The following SCNN1A variants were observed in gnomAD, a reference collection of about 807,000 sequenced individuals.
SCNN1A encodes epithelial sodium channel subunit alpha.
SCNN1A carries 65 observed loss-of-function variants against 68.6 expected under a neutral mutation model. The ratio of observed to expected loss-of-function variants is 0.95; its 90% CI spans 0.78 to 1.16. The LOEUF (loss-of-function observed/expected upper bound fraction) is 1.16, where lower values mean the gene tolerates loss of function less well. SCNN1A is among the 50% of genes most tolerant of loss of function. The pLI, the probability that SCNN1A is intolerant of heterozygous loss-of-function variation, is 0.00. For synonymous variants in SCNN1A, 357 were observed against 353.3 expected (o/e 1.01, Z -0.12); for missense variants, 880 against 865.9 (o/e 1.02, Z -0.20).
intron 2 of SCNN1A, among the ~76,000 whole-genome samples, chr12:6,368,824 G>A (rs1374130335): frequency 6.6e-6 from 1 of 152,180 alleles, no homozygotes; most frequent in Non-Finnish European, 1.5e-5. Context: ...TTCTGTCTGT[G>A]TAACTCGGGG....
rs765012846 is a variant in SCNN1A at position 6,374,725 on chromosome 12, A to G, written c.59T>C (p.Leu20Pro). 4.3e-6 allele frequency: 7 copies of G among 1,613,870 alleles called. No homozygotes were observed. The highest frequency in any genetic ancestry group is 2.2e-5 in the East Asian group (1 of 44,884). Residue 20 changes from leucine to proline, a missense_variant, in exon 2 of 13, where the codon CTC becomes CCC. Transcript: ENST00000228916. The surrounding 1 kb of genome is among the most constrained non-coding windows in gnomAD (Gnocchi z 6.2). ...DSSPPQSTPG[L>P]MKGNKREEQG... is the part of the protein sequence containing the mutation. ...CTCCTCACGCTTGTTCCCCTTCATG[A>G]GCCCTGGAGTGGACTGTGGAGGGCT...
At position 6,363,594 on chromosome 12, in the gene SCNN1A, C is replaced by G; in HGVS notation, c.533G>C (p.Arg178Pro). 6.2e-7 allele frequency: 1 copy of G among 1,612,148 alleles called. No individual in the cohort carries two copies. The highest frequency in any genetic ancestry group is 8.5e-7 in the Non-Finnish European group (1 of 1,179,246). ...GTGCGGCAGAGTCCCCCGCAGGTCG[C>G]GACGGCTGCGGGAGCCGGCCACGAG... ...TTLVAGSRSR[R>P]DLRGTLPHPL... is the part of the protein sequence containing the mutation. Residue 178 changes from arginine to proline, a missense_variant, in exon 3 of 13, where the codon CGC becomes CCC. Around this residue, in one of 3 missense-constraint regions of SCNN1A, gnomAD observed 758 missense variants for 721.8 expected, o/e 1.05. Coordinates refer to ENST00000228916, the MANE Select transcript of SCNN1A (RefSeq NM_001038.6).
chr12:6,363,891 C>T (rs966645368), intron 2 of SCNN1A, 181 bp from the exon 3 acceptor site: 25 of 463,960 alleles, frequency 5.4e-5, no homozygotes, highest in Middle Eastern at 5.5e-4. Flanking sequence ...CAGGTGTGTC[C>T]GCCGGGAAGG....
chr12:6,364,627 T>C (rs1592077401), intron 2 of SCNN1A, among the ~76,000 whole-genome samples: 1 of 150,198 alleles, frequency 6.7e-6, no homozygotes, highest in Admixed American at 6.6e-5. Context: ...CCGGGCTTGG[T>C]GGCGGGCGCC....
rs201051868 is a variant in SCNN1A, at chr12:6,367,615, GGA to G, written c.417-3907_417-3906del. On this transcript the variant is annotated intron_variant, in intron 2 of 12. Coordinates refer to ENST00000228916, the MANE Select transcript of SCNN1A (RefSeq NM_001038.6). ...AGATAGCATTCAGAAAATGACAGTGGGAGAGGAAGAGGAATTGATGGAAAGGG... is the reference window on the plus strand; with the variant it reads ...AGATAGCATTCAGAAAATGACAGTGGGAGGAAGAGGAATTGATGGAAAGGG... Among the ~76,000 whole-genome samples, 897 of 152,304 alleles carry G rather than the reference GGA, an allele frequency of 5.9e-3. 13 individuals carry two copies. The highest frequency in any genetic ancestry group is 0.024 in the Middle Eastern group (7 of 294).
chr12:6,365,298 T>A (rs1326949851), intron 2 of SCNN1A, among the ~76,000 whole-genome samples: 3 of 152,170 alleles, frequency 2.0e-5, no homozygotes, highest in African/African-American at 7.2e-5. Flanking sequence ...ATTGCAGGCG[T>A]GAGCCACTCA....
intron 8 of SCNN1A, 72 bp from the exon 9 acceptor site, chr12:6,349,477 C>T: frequency 9.2e-7 from 1 of 1,090,542 alleles, no homozygotes; most frequent in Non-Finnish European, 1.4e-6. Context: ...AAGAGGTCTC[C>T]CAAGATCCCT....
intron 8 of SCNN1A, among the ~76,000 whole-genome samples, chr12:6,350,850 A>G (rs1050746860): frequency 6.6e-6 from 1 of 150,846 alleles, no homozygotes; most frequent in Non-Finnish European, 1.5e-5. Flanking sequence ...TAAATAATAA[A>G]TAAATAAATA....
At chr12:6,375,061 G>A (rs1004347718) in intron 1 of SCNN1A, 21 of 1,532,358 alleles carry the variant, frequency 1.4e-5, no homozygotes, top group Non-Finnish European at 1.8e-5. Context: ...GCCGGAGCTG[G>A]GCTTCCCTAG....
At chr12:6,368,847 C>G (rs1948724510) in intron 2 of SCNN1A, among the ~76,000 whole-genome samples, 1 of 152,180 alleles carries the variant, frequency 6.6e-6, no homozygotes, top group Non-Finnish European at 1.5e-5. Flanking sequence ...AGTGACCCAG[C>G]CTTTCTGACT....
intron 3 of SCNN1A, 146 bp downstream of exon 3, chr12:6,363,297 C>CTT (rs940629062): frequency 4.2e-5 from 21 of 499,106 alleles, no homozygotes; most frequent in African/African-American, 3.1e-4. Context: ...TATTTATTTA[C>CTT]TTTTTTTTTT....
intron 2 of SCNN1A, among the ~76,000 whole-genome samples, chr12:6,367,417 C>T (rs12579898): frequency 0.25 from 37,413 of 152,080 alleles, 4,793 homozygotes; most frequent in South Asian, 0.35. Context: ...GCCCCTCAAC[C>T]AGAATAGGCT....
chr12:6,349,608 C>T (rs191962608), intron 8 of SCNN1A, among the ~76,000 whole-genome samples: 11 of 151,940 alleles, frequency 7.2e-5, no homozygotes, highest in Non-Finnish European at 1.6e-4. Context: ...TTTGGGAGGC[C>T]GAGGTGGGAG....
In SCNN1A at chr12:6,348,214, G is replaced by C; in HGVS notation, c.1669C>G (p.Leu557Val). The change falls in exon 13 of 13, where the codon CTG (leucine) becomes GTG (valine). Residue 557 changes from leucine to valine, a missense_variant. By Grantham distance (32) the Leu-to-Val change is conservative. Transcript: ENST00000228916. ...GACAACACCGAGGAGCCGAACCACA[G>C]GCTCCACTGGCTGCCCAGGTTGGAC... ...LLSNLGSQWS[L>V]WFGSSVLSVV... The C allele has an allele frequency of 6.2e-7, 1 of 1,614,154 alleles. No homozygotes were observed. The highest frequency in any genetic ancestry group is 8.5e-7 in the Non-Finnish European group (1 of 1,180,020).
intron 6 of SCNN1A, 118 bp from the exon 7 acceptor site, chr12:6,354,966 C>G: frequency 1.1e-6 from 1 of 890,892 alleles, no homozygotes; most frequent in Non-Finnish European, 1.9e-6. Context: ...TGGCCTCGCC[C>G]TCTCAATACA....
chr12:6,356,437 G>GGAAT (rs148812103), intron 4 of SCNN1A: 4,054 of 169,424 alleles, frequency 0.024, 90 homozygotes, highest in Admixed American at 0.07. Flanking sequence ...TGTTGAGTGA[G>GGAAT]GAATGAATGA....
Position 6,362,170 on chromosome 12 carries a change from G to C in SCNN1A, c.756C>G (p.Tyr252Ter). 6.2e-7 allele frequency: 1 copy of C among 1,614,112 alleles called. No homozygotes were observed. Among genetic ancestry groups the C allele is most frequent in the Non-Finnish European group, 8.5e-7 (1 of 1,179,920 alleles). Residue 252 changes from tyrosine (Y) to a stop codon, truncating the protein, a stop_gained, in exon 4 of 13, where the codon TAC (tyrosine) becomes TAG (stop). Coordinates refer to ENST00000228916, the MANE Select transcript of SCNN1A (RefSeq NM_001038.6). LOFTEE classifies it high-confidence loss of function. ...SSGVDAVREWYRFHYINILSR... is the reference protein window; with the variant it reads ...SSGVDAVREW The stretch of plus-strand genomic sequence containing the variant: ...ACAGGATGTTGATGTAGTGGAAGCG[G>C]TACCACTCCCTCACCGCATCCACCC...
chr12:6,375,555 G>A lies in SCNN1A; in HGVS notation c.-105C>T, dbSNP rs1003784925. ...GGAGCCCGCCCGCTGGCCGGCCAGG[G>A]ATGGAAGCGACAGGAATCTCATTAG... On this transcript the variant is annotated 5_prime_UTR_variant, in exon 1 of 13. Coordinates refer to ENST00000228916, the MANE Select transcript of SCNN1A (RefSeq NM_001038.6). 1.3e-5 allele frequency: 20 copies of A among 1,534,564 alleles called. No homozygotes were observed. In the East Asian group the frequency reaches 4.4e-4, roughly 34 times the overall value.
Position 6,347,956 on chromosome 12 carries a change from C to G in SCNN1A, c.1927G>C (p.Ala643Pro). 6.4e-7 allele frequency: 1 copy of G among 1,569,432 alleles called. No homozygotes were observed. Among genetic ancestry groups the G allele is most frequent in the Non-Finnish European group, 8.7e-7 (1 of 1,153,504 alleles). Residue 643 changes from alanine to proline, a missense_variant, in exon 13 of 13, where the codon GCC (alanine) becomes CCC (proline). Physicochemically the swap from Ala to Pro is conservative, Grantham distance 27. Around this residue, in one of 3 missense-constraint regions of SCNN1A, gnomAD observed 758 missense variants for 721.8 expected, o/e 1.05. Coordinates refer to ENST00000228916, the MANE Select transcript of SCNN1A (RefSeq NM_001038.6). ...GGGCGGGGGCCCAGGGTGGCATAGG[C>G]AGGGGGAGGGGCTGTCAAGGCTGGA... ...PSPALTAPPP[A>P]YATLGPRPSP...
Sources: gnomAD v4.1 joint callset for allele counts (sites outside exome capture counted in the v4.1 genomes callset) on GRCh38, gnomAD v4.1.1 for gene constraint, gnomAD v4.1.1 regional missense constraint, Gnocchi (gnomAD v3.1) non-coding constraint, MANE v1.5 for transcripts, NCBI Gene and HGNC (gene_info 2026-07-23, HGNC 2026-07-21) for gene names.